The following CACNA2D1 variants were observed in gnomAD, a reference collection of about 807,000 sequenced individuals.
CACNA2D1 encodes the protein calcium voltage-gated channel auxiliary subunit alpha2delta 1, also known as voltage-dependent calcium channel subunit alpha-2/delta-1.
A neutral mutation model predicts 171.5 loss-of-function variants in CACNA2D1; 53 were observed. That is an observed-to-expected ratio of 0.31 (90% CI 0.25 to 0.39). CACNA2D1 has a LOEUF of 0.39. Among genes scored for constraint, CACNA2D1 ranks in the 10% least tolerant of loss-of-function variants. The pLI is 1.00. For synonymous variants in CACNA2D1, 442 were observed against 443.1 expected (o/e 1.00, Z 0.03); for missense variants, 903 against 1,299.8 (o/e 0.69, Z 4.69).
intron 4 of CACNA2D1, among the ~76,000 whole-genome samples, chr7:82,147,111 C>CTTTA (rs1432399157): frequency 1.3e-5 from 2 of 149,778 alleles, no homozygotes; most frequent in Non-Finnish European, 3.0e-5. Context: ...AAGTGTAGAG[C>CTTTA]TTTACAAAAG....
intron 7 of CACNA2D1, among the ~76,000 whole-genome samples, chr7:82,068,750 A>G (rs1171936528): frequency 1.3e-5 from 2 of 152,000 alleles, no homozygotes; most frequent in East Asian, 3.9e-4. Context: ...TAAACAACTT[A>G]AAGAAATTGG....
In CACNA2D1 at chr7:82,099,419, CTTCTTTTTTTTTTTTTTTTTT is replaced by C. The variant is rs1291277541; in HGVS notation, c.527-14540_527-14520del. On this transcript the variant is annotated intron_variant, in intron 6 of 38. Coordinates refer to ENST00000356860, the MANE Select transcript of CACNA2D1 (RefSeq NM_000722.4). ...CATACTCTAAAACAGGTAGCAATACCTTCTTTTTTTTTTTTTTTTTTTTTTTTTTTTTTTTTTTTTTTTTTT... is the reference window on the plus strand; with the variant it reads ...CATACTCTAAAACAGGTAGCAATACCTTTTTTTTTTTTTTTTTTTTTTTTT... 9.7e-3 allele frequency among the ~76,000 whole-genome samples: 491 copies of C among 50,560 alleles called. 57 individuals are homozygous for C. Among genetic ancestry groups the C allele is most frequent in the Admixed American group, 0.02 (79 of 3,960 alleles). 33.2% of individuals were successfully genotyped at this position (50,560 alleles called of 152,430 possible).
chr7:82,362,720 T>C (rs1821210262), intron 1 of CACNA2D1, among the ~76,000 whole-genome samples: 1 of 152,202 alleles, frequency 6.6e-6, no homozygotes, highest in African/African-American at 2.4e-5. Flanking sequence ...TTGGACATCT[T>C]GTAAGCGAAC....
intron 4 of CACNA2D1, among the ~76,000 whole-genome samples, chr7:82,163,188 A>G (rs1003758593): frequency 2.0e-5 from 3 of 152,068 alleles, no homozygotes; most frequent in African/African-American, 4.8e-5. Context: ...ACATTTTCCA[A>G]CTTCTTTGAA....
At chr7:82,095,954 C>G (rs1485934001) in intron 6 of CACNA2D1, among the ~76,000 whole-genome samples, 3 of 152,132 alleles carry the variant, frequency 2.0e-5, no homozygotes, top group Non-Finnish European at 4.4e-5. Context: ...TAAATACTGG[C>G]CCAATTTTTA....
intron 1 of CACNA2D1, among the ~76,000 whole-genome samples, chr7:82,389,922 T>C (rs145694359): frequency 3.9e-5 from 6 of 152,314 alleles, no homozygotes; most frequent in African/African-American, 1.4e-4. Flanking sequence ...GTTAAATATA[T>C]CTCACGTGTT....
chr7:82,092,319 T>G (rs904625515), intron 6 of CACNA2D1, among the ~76,000 whole-genome samples: 3 of 152,148 alleles, frequency 2.0e-5, no homozygotes, highest in Non-Finnish European at 4.4e-5. Flanking sequence ...AAGTAGAAAC[T>G]TTAGCATAAT....
chr7:82,044,505 GATT>G (rs1562916365), intron 10 of CACNA2D1, among the ~76,000 whole-genome samples: 1 of 152,046 alleles, frequency 6.6e-6, no homozygotes, highest in Non-Finnish European at 1.5e-5. Flanking sequence ...TTTGGAAAAG[GATT>G]TTTTAAATTA....
At chr7:82,140,553 C>G (rs535616297) in intron 4 of CACNA2D1, among the ~76,000 whole-genome samples, 8 of 152,142 alleles carry the variant, frequency 5.3e-5, no homozygotes, top group Non-Finnish European at 1.2e-4. Context: ...CCAAATCCAC[C>G]TCTATGGAAT....
chr7:82,213,744 G>T (rs1214702149), intron 3 of CACNA2D1, among the ~76,000 whole-genome samples: 1 of 152,000 alleles, frequency 6.6e-6, no homozygotes, highest in Non-Finnish European at 1.5e-5. Context: ...GACTTGTCAC[G>T]CTGAAATTCT....
At chr7:82,050,704 C>G (rs1177369726) in intron 10 of CACNA2D1, 3 of 693,854 alleles carry the variant, frequency 4.3e-6, no homozygotes, top group African/African-American at 1.8e-5. Flanking sequence ...AAAGAAATGT[C>G]TCCCAACAGT....
At chr7:82,163,714 A>G (rs896379018) in intron 4 of CACNA2D1, among the ~76,000 whole-genome samples, 6 of 152,014 alleles carry the variant, frequency 3.9e-5, no homozygotes, top group African/African-American at 1.4e-4. Flanking sequence ...ATCCAGCTCA[A>G]AGACTTCACA....
At chr7:82,392,252 C>A (rs757526900) in intron 1 of CACNA2D1, among the ~76,000 whole-genome samples, 1 of 152,110 alleles carries the variant, frequency 6.6e-6, no homozygotes, top group Non-Finnish European at 1.5e-5. Flanking sequence ...AACCAATCAG[C>A]ACGTGCTCCC....
chr7:82,394,267 A>G (rs1366033794), intron 1 of CACNA2D1, among the ~76,000 whole-genome samples: 1 of 152,098 alleles, frequency 6.6e-6, no homozygotes, highest in Non-Finnish European at 1.5e-5. Flanking sequence ...TAAATCTTAT[A>G]GAGCTTAGAA....
Position 82,259,467 on chromosome 7 carries a change from C to T in CACNA2D1, c.294+75668G>A, listed in dbSNP as rs1806800671. ...TGGAATACTAATGAGCAGTCTAAAGCTTTCATGTGAATCTCTCTGAAATAT... is the reference window on the plus strand; with the variant it reads ...TGGAATACTAATGAGCAGTCTAAAGTTTTCATGTGAATCTCTCTGAAATAT... On this transcript the variant is annotated intron_variant, in intron 3 of 38. Transcript: ENST00000356860. Among the ~76,000 whole-genome samples the T allele has an allele frequency of 2.0e-5, 3 of 152,172 alleles. No individual in the cohort carries two copies. The South Asian group carries it at 6.2e-4, about 32-fold the overall frequency.
At chr7:82,030,533 T>G in intron 12 of CACNA2D1, among the ~76,000 whole-genome samples, 1 of 151,792 alleles carries the variant, frequency 6.6e-6, no homozygotes, top group South Asian at 2.1e-4. Context: ...ATATATCTCA[T>G]GCACAAATTT....
intron 23 of CACNA2D1, among the ~76,000 whole-genome samples, chr7:81,982,931 TG>T (rs1796588076): frequency 1.3e-5 from 2 of 152,178 alleles, no homozygotes; most frequent in African/African-American, 4.8e-5. Context: ...GTGATTGATA[TG>T]AATGTTATAC....
chr7:81,990,488 G>A (rs888151753), intron 21 of CACNA2D1, among the ~76,000 whole-genome samples: 1 of 151,950 alleles, frequency 6.6e-6, no homozygotes, highest in African/African-American at 2.4e-5. Context: ...TGTTAAGAAG[G>A]AGGAATAGCA....
intron 4 of CACNA2D1, among the ~76,000 whole-genome samples, chr7:82,166,215 A>C (rs1213760653): frequency 6.6e-6 from 1 of 152,084 alleles, no homozygotes; most frequent in Non-Finnish European, 1.5e-5. Flanking sequence ...TAATTTTAAT[A>C]TTATAAAATT....
Sources: allele counts gnomAD v4.1 joint callset (sites outside exome capture counted in the v4.1 genomes callset), GRCh38; gene constraint gnomAD v4.1.1; transcripts MANE v1.5; gene names NCBI Gene and HGNC (gene_info 2026-07-23, HGNC 2026-07-21).